MED24: variants seen among roughly 807,000 people sequenced by gnomAD.
MED24 encodes mediator of RNA polymerase II transcription subunit 24.
Under a neutral mutation model 118.8 loss-of-function variants are expected in MED24, and 74 were observed. The ratio of observed to expected loss-of-function variants is 0.62; its 90% CI spans 0.52 to 0.76. MED24 has a LOEUF of 0.76. MED24 is among the 30% of genes least tolerant of loss of function. The probability of loss-of-function intolerance (pLI) is 0.00; values close to 1 mark genes in which losing one functional copy is unlikely to be tolerated. For synonymous variants in MED24, 521 were observed against 523.9 expected (o/e 0.99, Z 0.08); for missense variants, 1,041 against 1,278.9 (o/e 0.81, Z 2.84).
chr17:40,020,507 G>A, intron 23 of MED24, 154 bp from the exon 24 acceptor site: 5 of 1,518,708 alleles, frequency 3.3e-6, no homozygotes, highest in Non-Finnish European at 4.4e-6. Context: ...ACAAAGGGAG[G>A]CCAGGTACAG....
chr17:40,037,256 G>GA, intron 3 of MED24, among the ~76,000 whole-genome samples: 1 of 151,754 alleles, frequency 6.6e-6, no homozygotes, highest in African/African-American at 2.4e-5. Context: ...AAGAAGGAAA[G>GA]AGTAAGTTTT....
chr17:40,030,598 T>C (rs537871112), intron 12 of MED24, among the ~76,000 whole-genome samples: 2 of 152,238 alleles, frequency 1.3e-5, no homozygotes, highest in East Asian at 1.9e-4. Flanking sequence ...CGGCCTATCA[T>C]TAGTCTTAAA....
chr17:40,021,198 G>A (rs960453041), intron 23 of MED24: 1 of 152,524 alleles, frequency 6.6e-6, no homozygotes, highest in Non-Finnish European at 1.5e-5. Context: ...AGGGCCAGGG[G>A]CCGATCTTGG....
In MED24 at chr17:40,022,613, C is replaced by T. The variant is rs201349893; in HGVS notation, c.2432+32G>A. The T allele has an allele frequency of 2.5e-6, 4 of 1,610,820 alleles. No individual in the cohort carries two copies. The South Asian group carries it at 3.3e-5, about 13-fold the overall frequency. Reference sequence around the variant, plus strand: ...CGAGGGGTGCTTGACCCTGGGTGGCCGGAGCAGGGCAAGCTCTGAAGAGAA... The same window carrying T: ...CGAGGGGTGCTTGACCCTGGGTGGCTGGAGCAGGGCAAGCTCTGAAGAGAA... On this transcript the variant is annotated intron_variant, in intron 21 of 25. Coordinates refer to ENST00000394128, the MANE Select transcript of MED24 (RefSeq NM_014815.4).
chr17:40,045,903 G>A (rs963018018), intron 3 of MED24, among the ~76,000 whole-genome samples: 2 of 151,934 alleles, frequency 1.3e-5, no homozygotes, highest in Non-Finnish European at 2.9e-5. Context: ...TCAGCCTCCC[G>A]AGTAGCTGGG....
intron 3 of MED24, among the ~76,000 whole-genome samples, chr17:40,047,388 G>A (rs749289040): frequency 2.6e-5 from 4 of 151,984 alleles, no homozygotes; most frequent in African/African-American, 7.2e-5. Flanking sequence ...TAGGCCAGGC[G>A]TGGTGGCTCA....
At chr17:40,053,739 G>A (rs1986071706) in intron 1 of MED24, 104 bp from the exon 2 acceptor site, 1 of 1,433,540 alleles carries the variant, frequency 7.0e-7, no homozygotes, top group East Asian at 2.3e-5. Context: ...GAAGATTTAA[G>A]CGAGACAGAG....
chr17:40,027,392 A>G lies in MED24; in HGVS notation c.1521T>C (p.Tyr507=). The G allele has an allele frequency of 1.9e-6, 3 of 1,613,576 alleles. No homozygotes were observed. The part of the protein sequence containing the change: ...FLMLCHVAQT[Y]GSEVILSESR... ...CGCTCCCCTCTCTCACCTCTGAACC[A>G]TAGGTCTGGGCCACATGGCACAGCA... The change falls in exon 16 of 26, where the codon TAT becomes TAC. Residue 507 remains tyrosine, a synonymous_variant. Coordinates refer to ENST00000394128, the MANE Select transcript of MED24 (RefSeq NM_014815.4).
At chr17:40,029,960 G>A in intron 12 of MED24, 101 bp from the exon 13 acceptor site, 3 of 1,028,736 alleles carry the variant, frequency 2.9e-6, no homozygotes. Context: ...CAGAGGAGGT[G>A]GGAAGCATGT....
chr17:40,031,429 G>T, intron 11 of MED24, 109 bp downstream of exon 11: 1 of 1,309,008 alleles, frequency 7.6e-7, no homozygotes, highest in Non-Finnish European at 1.1e-6. Flanking sequence ...CCCCTGCCAA[G>T]GGGAGTGAAC....
At chr17:40,030,382 G>A (rs1467111566) in intron 12 of MED24, among the ~76,000 whole-genome samples, 1 of 151,844 alleles carries the variant, frequency 6.6e-6, no homozygotes, top group African/African-American at 2.4e-5. Flanking sequence ...TACAACCTCT[G>A]CTTTCCGGGT....
chr17:40,026,123 G>A (rs754532620), intron 19 of MED24, 33 bp downstream of exon 19: 3 of 1,594,910 alleles, frequency 1.9e-6, no homozygotes, highest in Non-Finnish European at 2.6e-6. Flanking sequence ...CAACACACTT[G>A]AAGGGTCTGA....
At chr17:40,036,973 G>A (rs1206036347) in intron 3 of MED24, among the ~76,000 whole-genome samples, 1 of 151,934 alleles carries the variant, frequency 6.6e-6, no homozygotes, top group Non-Finnish European at 1.5e-5. Flanking sequence ...CTGAGGTCAG[G>A]AGTTCAAGAC....
chr17:40,041,319 C>T (rs1984543036), intron 3 of MED24, among the ~76,000 whole-genome samples: 1 of 152,160 alleles, frequency 6.6e-6, no homozygotes, highest in South Asian at 2.1e-4. Context: ...CTCTCTGGCC[C>T]CTTCTCTTCA....
chr17:40,028,591 C>A (rs1219243448), intron 14 of MED24, among the ~76,000 whole-genome samples: 1 of 152,208 alleles, frequency 6.6e-6, no homozygotes, highest in Non-Finnish European at 1.5e-5. Flanking sequence ...AACACCTCAA[C>A]CCTTACCCTC....
At chr17:40,047,409 C>A (rs1331669686) in intron 3 of MED24, among the ~76,000 whole-genome samples, 2 of 152,042 alleles carry the variant, frequency 1.3e-5, no homozygotes, top group Non-Finnish European at 2.9e-5. Context: ...TGCCTGTAAT[C>A]CCAGCACTTT....
At chr17:40,043,542 T>C (rs1040663430) in intron 3 of MED24, among the ~76,000 whole-genome samples, 8 of 152,154 alleles carry the variant, frequency 5.3e-5, no homozygotes, top group Admixed American at 1.3e-4. Flanking sequence ...GTCAGTTTTA[T>C]CCTTTTTTTC....
At chr17:40,032,961 C>T (rs2144911285) in intron 8 of MED24, 95 bp downstream of exon 8, 2 of 1,529,678 alleles carry the variant, frequency 1.3e-6, no homozygotes, top group Non-Finnish European at 1.8e-6. Flanking sequence ...CAGGAGAAAC[C>T]CCACTTCTCC....
intron 19 of MED24, 141 bp from the exon 20 acceptor site, chr17:40,023,536 G>A: frequency 2.5e-6 from 2 of 800,552 alleles, no homozygotes; most frequent in Non-Finnish European, 1.9e-6. Context: ...TTGCGCTGGG[G>A]GACGGTATAC....
Sources: gnomAD v4.1 joint callset for allele counts (sites outside exome capture counted in the v4.1 genomes callset) on GRCh38, gnomAD v4.1.1 for gene constraint, MANE v1.5 for transcripts, NCBI Gene and HGNC (gene_info 2026-07-23, HGNC 2026-07-21) for gene names.